Variants in CPQ observed in about 807,000 individuals in gnomAD.
CPQ encodes the protein Ser-Met dipeptidase.
A neutral mutation model predicts 45.7 loss-of-function variants in CPQ; 37 were observed. That is an observed-to-expected ratio of 0.81 (90% CI 0.62 to 1.07). CPQ has a LOEUF of 1.07. Among genes scored for constraint, CPQ ranks in the 50% least tolerant of loss-of-function variants. The pLI, the probability that CPQ is intolerant of heterozygous loss-of-function variation, is 0.00. For synonymous variants in CPQ, 186 were observed against 205.8 expected (o/e 0.90, Z 0.82); for missense variants, 537 against 572.9 (o/e 0.94, Z 0.64).
At chr8:96,683,105 G>C (rs1193390995) in intron 1 of CPQ, among the ~76,000 whole-genome samples, 1 of 151,724 alleles carries the variant, frequency 6.6e-6, no homozygotes, top group Non-Finnish European at 1.5e-5. Flanking sequence ...TCTCATTTGT[G>C]TATCTTACTT....
intron 1 of CPQ, among the ~76,000 whole-genome samples, chr8:96,730,513 T>C (rs959552572): frequency 1.3e-5 from 2 of 152,012 alleles, no homozygotes; most frequent in Admixed American, 6.6e-5. Context: ...AGAAGGAAAG[T>C]ACAGGGAGGC....
rs569999219 is a variant in CPQ at position 96,868,836 on chromosome 8, C to A, written c.642-10962C>A. The stretch of plus-strand genomic sequence containing the variant: ...CACTTCATAATTAACATTTTAATGG[C>A]TGCAAAATATTCCACTGAAATTGAA... On this transcript the variant is annotated intron_variant, in intron 3 of 7. Transcript: ENST00000220763. Among the ~76,000 whole-genome samples the A allele has an allele frequency of 1.4e-3, 217 of 151,938 alleles. 1 individual carries two copies. The highest frequency in any genetic ancestry group is 1.4e-3 in the Non-Finnish European group (94 of 67,922).
intron 7 of CPQ, among the ~76,000 whole-genome samples, chr8:97,126,441 C>T (rs1273538599): frequency 6.6e-6 from 1 of 152,132 alleles, no homozygotes; most frequent in Non-Finnish European, 1.5e-5. Context: ...TCGTGACCTT[C>T]CCTAGCTGTA....
Position 96,746,542 on chromosome 8 carries a change from A to T in CPQ, c.-34-38322A>T, listed in dbSNP as rs1434669959. On this transcript the variant is annotated intron_variant, in intron 1 of 7. Coordinates refer to ENST00000220763, the MANE Select transcript of CPQ (RefSeq NM_016134.4). Reference sequence around the variant, plus strand: ...TCTGCTCTGTCCACTTATTTTCTTTATCCTTACTGCTAATCCATCAAGTAA... The same window carrying T: ...TCTGCTCTGTCCACTTATTTTCTTTTTCCTTACTGCTAATCCATCAAGTAA... 2.0e-5 allele frequency among the ~76,000 whole-genome samples: 3 copies of T among 152,078 alleles called. No homozygotes were observed. In the East Asian group the frequency reaches 5.8e-4, roughly 29 times the overall value.
intron 4 of CPQ, among the ~76,000 whole-genome samples, chr8:96,915,955 G>A (rs564636212): frequency 8.4e-4 from 128 of 152,196 alleles, no homozygotes; most frequent in Non-Finnish European, 1.5e-3. Context: ...TTCAGTTGAG[G>A]CTATCCAGAT....
chr8:96,904,079 C>T (rs1373414563), intron 4 of CPQ, among the ~76,000 whole-genome samples: 1 of 152,160 alleles, frequency 6.6e-6, no homozygotes, highest in East Asian at 1.9e-4. Flanking sequence ...CAGAACCAAA[C>T]TCTGAATATG....
intron 5 of CPQ, among the ~76,000 whole-genome samples, chr8:97,014,688 G>T (rs2130444985): frequency 6.6e-6 from 1 of 151,044 alleles, no homozygotes; most frequent in East Asian, 1.9e-4. Context: ...ATGTACTATG[G>T]TCTGAAAACC....
intron 1 of CPQ, among the ~76,000 whole-genome samples, chr8:96,724,501 ACACAC>A (rs1809809114): frequency 6.6e-6 from 1 of 151,400 alleles, no homozygotes; most frequent in African/African-American, 2.4e-5. Context: ...ACACACACAC[ACACAC>A]ACACACACAC....
intron 1 of CPQ, among the ~76,000 whole-genome samples, chr8:96,685,114 C>CAAACAACAAAAAAA (rs1554614004): frequency 6.9e-6 from 1 of 144,646 alleles, no homozygotes; most frequent in African/African-American, 2.6e-5. Flanking sequence ...CAAAAACAAA[C>CAAACAACAAAAAAA]AAACAACAAA....
At chr8:96,896,946 A>G (rs920780560) in intron 4 of CPQ, among the ~76,000 whole-genome samples, 22 of 152,294 alleles carry the variant, frequency 1.4e-4, no homozygotes, top group African/African-American at 4.6e-4. Context: ...AACACCCTCA[A>G]TGTGGTTTCC....
chr8:97,120,868 T>C (rs1300034545), intron 7 of CPQ, among the ~76,000 whole-genome samples: 2 of 152,246 alleles, frequency 1.3e-5, no homozygotes, highest in East Asian at 3.8e-4. Context: ...GGCCTTTTGA[T>C]GATGAGTAAT....
intron 4 of CPQ, among the ~76,000 whole-genome samples, chr8:96,940,961 G>T (rs150555326): frequency 6.6e-6 from 1 of 152,090 alleles, no homozygotes; most frequent in African/African-American, 2.4e-5. Context: ...TTGGGAACTG[G>T]TGTCAGCTCC....
At chr8:96,863,107 T>G (rs1811951370) in intron 3 of CPQ, among the ~76,000 whole-genome samples, 1 of 152,126 alleles carries the variant, frequency 6.6e-6, no homozygotes, top group African/African-American at 2.4e-5. Context: ...CAGTTGATCT[T>G]ACAATCTGAT....
intron 1 of CPQ, among the ~76,000 whole-genome samples, chr8:96,672,535 G>A (rs1809017577): frequency 6.6e-6 from 1 of 152,100 alleles, no homozygotes; most frequent in Non-Finnish European, 1.5e-5. Flanking sequence ...AGTTGTTTCA[G>A]TTTTAAATAG....
intron 4 of CPQ, among the ~76,000 whole-genome samples, chr8:96,917,014 C>G (rs557287358): frequency 6.6e-6 from 1 of 152,156 alleles, no homozygotes; most frequent in Admixed American, 6.6e-5. Context: ...TAGTGTTCAT[C>G]AGGGTTCTCT....
intron 7 of CPQ, among the ~76,000 whole-genome samples, chr8:97,138,886 C>CTATA (rs2130631406): frequency 6.6e-6 from 1 of 151,544 alleles, no homozygotes; most frequent in South Asian, 2.1e-4. Flanking sequence ...AGCTTCCAAA[C>CTATA]TATAGAGTTG....
At chr8:97,123,024 T>TAAAATAAATA (rs1356576854) in intron 7 of CPQ, among the ~76,000 whole-genome samples, 1 of 26,406 alleles carries the variant, frequency 3.8e-5, no homozygotes, top group Admixed American at 6.4e-4. Flanking sequence ...TAAAATAAAA[T>TAAAATAAATA]AAATAAAATA....
At chr8:96,765,793 C>A (rs182761388) in intron 1 of CPQ, among the ~76,000 whole-genome samples, 116 of 152,152 alleles carry the variant, frequency 7.6e-4, no homozygotes, top group African/African-American at 2.5e-3. Context: ...TAATTCTGGC[C>A]CCCCCATTCA....
chr8:97,005,590 A>G (rs1057456870), intron 5 of CPQ, among the ~76,000 whole-genome samples: 23 of 152,234 alleles, frequency 1.5e-4, no homozygotes, highest in Middle Eastern at 3.4e-3. Flanking sequence ...TTGAATAGCC[A>G]TCAAAAACAA....
Sources: allele counts gnomAD v4.1 joint callset (sites outside exome capture counted in the v4.1 genomes callset), GRCh38; gene constraint gnomAD v4.1.1; transcripts MANE v1.5; gene names NCBI Gene and HGNC (gene_info 2026-07-23, HGNC 2026-07-21).